The following PPP2R3B variants were observed in gnomAD, a reference collection of about 807,000 sequenced individuals.
PPP2R3B encodes protein phosphatase 2 regulatory subunit B''beta.
Under a neutral mutation model 72.9 loss-of-function variants are expected in PPP2R3B, and 68 were observed. The observed-to-expected ratio is 0.93, with a 90% CI of 0.77 to 1.14. PPP2R3B has a LOEUF of 1.14. Ranked by LOEUF, PPP2R3B falls within the 50% of genes most tolerant of loss-of-function variation. The pLI is 0.00. For synonymous variants in PPP2R3B, 466 were observed against 375.8 expected (o/e 1.24, Z -2.78); for missense variants, 1,018 against 842.0 (o/e 1.21, Z -2.59).
intron 2 of PPP2R3B, among the ~76,000 whole-genome samples, chrX:356,449 CAGGTG>C: frequency 6.6e-6 from 1 of 152,276 alleles, no homozygotes; most frequent in East Asian, 1.9e-4. Context: ...CTCCTGACCT[CAGGTG>C]ATCTGCCTAC....
At chrX:371,579 C>T (rs1308690108) in intron 1 of PPP2R3B, among the ~76,000 whole-genome samples, 1 of 152,106 alleles carries the variant, frequency 6.6e-6, no homozygotes, top group African/African-American at 2.4e-5. Flanking sequence ...GTGGGTGCGG[C>T]CAACGTTGGC....
Position 345,602 on chromosome X carries a change from T to A in PPP2R3B, c.950A>T (p.Tyr317Phe), listed in dbSNP as rs370429872. 2.5e-6 allele frequency: 4 copies of A among 1,613,076 alleles called. No homozygotes were observed. In the East Asian group the frequency reaches 6.7e-5, roughly 27 times the overall value. Reference sequence around the variant, plus strand: ...CTCCCAGAACTTGCAGTAGATGACGTAGAAATGCTCGTACGAGAAGAATTC... The same window carrying A: ...CTCCCAGAACTTGCAGTAGATGACGAAGAAATGCTCGTACGAGAAGAATTC... ...LTEFFSYEHF[Y>F]VIYCKFWELD... The change falls in exon 7 of 13, where the codon TAC (tyrosine) becomes TTC (phenylalanine). Residue 317 changes from tyrosine (Y) to phenylalanine (F), a missense_variant. By Grantham distance (22) the Tyr-to-Phe change is conservative (BLOSUM62 3). Coordinates refer to ENST00000390665, the MANE Select transcript of PPP2R3B (RefSeq NM_013239.5).
intron 7 of PPP2R3B, 69 bp downstream of exon 7, chrX:345,447 C>A (rs745575844): frequency 6.3e-7 from 1 of 1,595,738 alleles, no homozygotes; most frequent in African/African-American, 1.3e-5. Context: ...CAGCTGCAGA[C>A]CCGCAGGCCC....
At chrX:355,563 A>G (rs376020990) in intron 2 of PPP2R3B, among the ~76,000 whole-genome samples, 3 of 152,230 alleles carry the variant, frequency 2.0e-5, no homozygotes, top group East Asian at 1.9e-4. Flanking sequence ...GAAAGCCGGA[A>G]GTGGAACTGC....
chrX:346,879 G>T, intron 4 of PPP2R3B, 104 bp from the exon 5 acceptor site: 2 of 1,120,346 alleles, frequency 1.8e-6, no homozygotes, highest in South Asian at 2.7e-5. Flanking sequence ...GCGATGAGGT[G>T]TGCGGTGTAG....
chrX:368,580 C>T (rs2071781735), intron 1 of PPP2R3B, among the ~76,000 whole-genome samples: 1 of 119,950 alleles, frequency 8.3e-6, no homozygotes, highest in Non-Finnish European at 1.7e-5. Flanking sequence ...CCGGGACCAC[C>T]CACCCCGGGC....
intron 1 of PPP2R3B, among the ~76,000 whole-genome samples, chrX:378,649 T>G (rs2072050314): frequency 6.6e-6 from 1 of 151,846 alleles, no homozygotes; most frequent in Admixed American, 6.6e-5. Flanking sequence ...CCACCTCATC[T>G]CAGGAAACGG....
At chrX:386,110 T>C (rs28493373) in intron 1 of PPP2R3B, among the ~76,000 whole-genome samples, 4,020 of 151,492 alleles carry the variant, frequency 0.027, 178 homozygotes, top group African/African-American at 0.093. Context: ...AATAATAAAA[T>C]AAAATAAAAT....
intron 1 of PPP2R3B, among the ~76,000 whole-genome samples, chrX:380,015 G>T (rs1194742437): frequency 6.6e-6 from 1 of 152,154 alleles, no homozygotes; most frequent in African/African-American, 2.4e-5. Flanking sequence ...GGGGAGAAAA[G>T]ACTGTTCAAT....
chrX:364,327 C>T (rs1007667412), intron 1 of PPP2R3B, among the ~76,000 whole-genome samples: 9 of 151,818 alleles, frequency 5.9e-5, no homozygotes, highest in African/African-American at 1.7e-4. Context: ...CGGCTACAGC[C>T]GACTCTCCTG....
chrX:352,410 G>A (rs1206444255), intron 2 of PPP2R3B, among the ~76,000 whole-genome samples: 2 of 152,188 alleles, frequency 1.3e-5, no homozygotes, highest in South Asian at 2.1e-4. Context: ...CCTCCTCCCC[G>A]TGGCTCCAGT....
chrX:363,683 A>AAGCCCGCGATCCCACAGTGCATCTCCCCG (rs2071612131), intron 1 of PPP2R3B, among the ~76,000 whole-genome samples: 1 of 11,276 alleles, frequency 8.9e-5, no homozygotes. Context: ...GCATCTCCCC[A>AAGCCCGCGATCCCACAGTGCATCTCCCCG]AGCCCGCGAT....
chrX:380,877 T>TC (rs1440519499), intron 1 of PPP2R3B, among the ~76,000 whole-genome samples: 2 of 145,974 alleles, frequency 1.4e-5, no homozygotes, highest in Non-Finnish European at 3.0e-5. Context: ...GCATTTAGGG[T>TC]CCCCCCTAGC....
At chrX:355,386 C>T (rs772119096) in intron 2 of PPP2R3B, among the ~76,000 whole-genome samples, 5 of 152,310 alleles carry the variant, frequency 3.3e-5, no homozygotes, top group East Asian at 1.9e-4. Flanking sequence ...GTTCATGAGA[C>T]GGAAGCCTCA....
At position 361,385 on chromosome X, in the gene PPP2R3B, G is replaced by A. The variant is rs181495553; in HGVS notation, c.510+20C>T. 245 of 1,613,224 alleles carry A rather than the reference G, an allele frequency of 1.5e-4. No individual in the cohort carries two copies. Among genetic ancestry groups the A allele is most frequent in the Middle Eastern group, 3.3e-4 (2 of 6,008 alleles). ...CGCAGTACCACCTCGGCTGCTCCAC[G>A]TCCCACGCGTGACACGTACCTTGGC... On this transcript the variant is annotated intron_variant, in intron 2 of 12. Coordinates refer to ENST00000390665, the MANE Select transcript of PPP2R3B (RefSeq NM_013239.5).
At chrX:369,663 C>G (rs2071812815) in intron 1 of PPP2R3B, among the ~76,000 whole-genome samples, 1 of 152,214 alleles carries the variant, frequency 6.6e-6, no homozygotes, top group Non-Finnish European at 1.5e-5. Flanking sequence ...CGGGCAGACC[C>G]CCGCATGTGC....
chrX:345,783 GT>G lies in PPP2R3B; in HGVS notation c.880-112del. 1.4e-5 allele frequency: 16 copies of G among 1,143,244 alleles called. No individual in the cohort carries two copies. The South Asian group carries it at 2.0e-4, about 14-fold the overall frequency. The allele number at this position is 1,143,244 out of a possible 1,614,324, so 70.8% of individuals were successfully genotyped here. Reference sequence around the variant, plus strand: ...TGGGAGGGTCGGGGCCGCTCCGTGGGTGGGGGGGACTGGGCAGCTGGGGCCG... The same window carrying G: ...TGGGAGGGTCGGGGCCGCTCCGTGGGGGGGGGGACTGGGCAGCTGGGGCCG... On this transcript the variant is annotated intron_variant, in intron 6 of 12. Transcript: ENST00000390665.
At chrX:376,447 C>T (rs113238508) in intron 1 of PPP2R3B, among the ~76,000 whole-genome samples, 21,257 of 147,366 alleles carry the variant, frequency 0.14, 2,160 homozygotes, top group African/African-American at 0.28. Flanking sequence ...CCCATGGGGC[C>T]ATCCACTACC....
chrX:347,208 C>T, intron 4 of PPP2R3B, 26 bp downstream of exon 4: 5 of 1,593,112 alleles, frequency 3.1e-6, no homozygotes, highest in Non-Finnish European at 4.3e-6. Context: ...AAGGATAAGG[C>T]CTGTGGTGTA....
Sources: gnomAD v4.1 joint callset for allele counts (sites outside exome capture counted in the v4.1 genomes callset) on GRCh38, gnomAD v4.1.1 for gene constraint, MANE v1.5 for transcripts, NCBI Gene and HGNC (gene_info 2026-07-23, HGNC 2026-07-21) for gene names.